The following ARMH3 variants were observed in gnomAD, a reference collection of about 807,000 sequenced individuals.
The protein encoded by ARMH3 is armadillo like helical domain containing 3.
In ARMH3, 60 loss-of-function variants were observed where a neutral mutation model predicts 99.1. The observed-to-expected ratio is 0.61, with a 90% CI of 0.49 to 0.75. The LOEUF (loss-of-function observed/expected upper bound fraction) is 0.75, where lower values mean the gene tolerates loss of function less well. Ranked by LOEUF, ARMH3 falls within the 30% of genes least tolerant of loss-of-function variation. The probability of loss-of-function intolerance (pLI) is 0.00; values close to 1 mark genes in which losing one functional copy is unlikely to be tolerated. For synonymous variants in ARMH3, 285 were observed against 292.8 expected (o/e 0.97, Z 0.27); for missense variants, 679 against 843.1 (o/e 0.81, Z 2.41).
intron 22 of ARMH3, among the ~76,000 whole-genome samples, chr10:101,943,786 C>G (rs1328949409): frequency 6.6e-6 from 1 of 151,950 alleles, no homozygotes; most frequent in East Asian, 1.9e-4. Context: ...AATTAGAGGC[C>G]AGGCACGGTG....
At position 102,001,971 on chromosome 10, in the gene ARMH3, C is replaced by T; in HGVS notation, c.1150G>A (p.Asp384Asn). 6.2e-7 allele frequency: 1 copy of T among 1,613,934 alleles called. No individual in the cohort carries two copies. Among genetic ancestry groups the T allele is most frequent in the Non-Finnish European group, 8.5e-7 (1 of 1,179,832 alleles). The change falls in exon 15 of 26, where the codon GAT (aspartate) becomes AAT (asparagine). Residue 384 changes from aspartate to asparagine, a missense_variant and splice_region_variant. By Grantham distance (23) the Asp-to-Asn change is conservative. Coordinates refer to ENST00000370033, the MANE Select transcript of ARMH3 (RefSeq NM_024541.3). ...AGCCCCCAAAATAGCTATGGCTTAC[C>T]TTTGGTGTCCTGCATGACAATTGAG... Reference protein sequence around the residue: ...YSSIVMQDTKDEHRLHSGKLC... With the variant: ...YSSIVMQDTKNEHRLHSGKLC...
intron 24 of ARMH3, among the ~76,000 whole-genome samples, chr10:101,873,391 G>A (rs1047252354): frequency 6.6e-6 from 1 of 151,978 alleles, no homozygotes; most frequent in South Asian, 2.1e-4. Context: ...CAGCCTGGGG[G>A]ACAGGGCAAG....
intron 23 of ARMH3, among the ~76,000 whole-genome samples, chr10:101,891,424 A>T (rs1312161898): frequency 6.6e-6 from 1 of 152,238 alleles, no homozygotes; most frequent in African/African-American, 2.4e-5. Flanking sequence ...CAAACTCCTG[A>T]CCTTTCAGGT....
At chr10:101,956,427 C>CAA (rs1200729492) in intron 22 of ARMH3, among the ~76,000 whole-genome samples, 170 bp downstream of exon 22, 1 of 152,150 alleles carries the variant, frequency 6.6e-6, no homozygotes, top group Non-Finnish European at 1.5e-5. Flanking sequence ...TTCCTAAAGG[C>CAA]AAAAAGGCCC....
intron 19 of ARMH3, among the ~76,000 whole-genome samples, chr10:101,989,873 T>C (rs796741306): frequency 1.4e-4 from 22 of 152,300 alleles, no homozygotes; most frequent in African/African-American, 5.1e-4. Flanking sequence ...TAAGAATGGA[T>C]CAGAAGCGCT....
At chr10:101,991,023 G>A (rs1195140727) in intron 18 of ARMH3, among the ~76,000 whole-genome samples, 1 of 152,206 alleles carries the variant, frequency 6.6e-6, no homozygotes, top group Non-Finnish European at 1.5e-5. Context: ...CTAAAGCTAT[G>A]TCAGTCAATC....
At chr10:101,888,222 G>A (rs2067600474) in intron 24 of ARMH3, among the ~76,000 whole-genome samples, 2 of 151,998 alleles carry the variant, frequency 1.3e-5, no homozygotes, top group South Asian at 4.2e-4. Flanking sequence ...CAAGAAAATG[G>A]TAGCATCACA....
intron 23 of ARMH3, among the ~76,000 whole-genome samples, chr10:101,935,621 T>C (rs1381087929): frequency 6.6e-6 from 1 of 152,190 alleles, no homozygotes; most frequent in Non-Finnish European, 1.5e-5. Flanking sequence ...GGAGCTATTG[T>C]CAACTGGCAA....
At chr10:101,999,098 A>G (rs1407965101) in intron 15 of ARMH3, among the ~76,000 whole-genome samples, 3 of 152,216 alleles carry the variant, frequency 2.0e-5, no homozygotes, top group Non-Finnish European at 4.4e-5. Flanking sequence ...GAGAGTTTAA[A>G]TTACAAAGAA....
chr10:101,957,884 T>C (rs1226197597), intron 20 of ARMH3, 152 bp from the exon 21 acceptor site: 1 of 1,151,410 alleles, frequency 8.7e-7, no homozygotes, highest in Non-Finnish European at 1.2e-6. Context: ...AAGGTAGGTA[T>C]ATTTGAGGAA....
rs10639768 is a variant in ARMH3 at position 102,007,159 on chromosome 10, CAAAAAAAAA to C, written c.955-535_955-527del. Among the ~76,000 whole-genome samples, 181 of 60,050 alleles carry C rather than the reference CAAAAAAAAA, an allele frequency of 3.0e-3. 1 individual carries two copies. The highest frequency in any genetic ancestry group is 4.7e-3 in the South Asian group (6 of 1,270). 39.4% of individuals were successfully genotyped at this position (60,050 alleles called of 152,430 possible). On this transcript the variant is annotated intron_variant, in intron 13 of 25. Transcript: ENST00000370033. Reference sequence around the variant, plus strand: ...CTGGTGACACAGCAAGACTCTATCTCAAAAAAAAAAAAAAAAAAAGAAAAAAAAAGCTGA... The same window carrying C: ...CTGGTGACACAGCAAGACTCTATCTCAAAAAAAAAAGAAAAAAAAAGCTGA...
chr10:101,978,015 G>A (rs1288687646), intron 19 of ARMH3, among the ~76,000 whole-genome samples: 1 of 152,124 alleles, frequency 6.6e-6, no homozygotes, highest in African/African-American at 2.4e-5. Context: ...ATAGGCCAAG[G>A]AAACAGTCAA....
intron 14 of ARMH3, among the ~76,000 whole-genome samples, chr10:102,003,305 G>A (rs1164513761): frequency 6.6e-6 from 1 of 152,014 alleles, no homozygotes; most frequent in African/African-American, 2.4e-5. Context: ...TTGGATTACA[G>A]GCACCCACCA....
chr10:101,923,046 G>GA (rs1335478582), intron 23 of ARMH3, among the ~76,000 whole-genome samples: 9 of 151,240 alleles, frequency 6.0e-5, no homozygotes, highest in South Asian at 2.1e-4. Flanking sequence ...AAACCAATTA[G>GA]AAAAAAAAAC....
At chr10:101,976,168 CAAAAAA>C (rs780547260) in intron 19 of ARMH3, among the ~76,000 whole-genome samples, 2 of 23,188 alleles carry the variant, frequency 8.6e-5, no homozygotes, top group Non-Finnish European at 1.5e-4. Context: ...GACTCTGTCT[CAAAAAA>C]AAAAAAAAAA....
At chr10:101,944,646 T>C (rs1464614898) in intron 22 of ARMH3, among the ~76,000 whole-genome samples, 3 of 151,942 alleles carry the variant, frequency 2.0e-5, no homozygotes, top group Non-Finnish European at 2.9e-5. Context: ...AAACCCTGTC[T>C]CTACTAAAAA....
intron 21 of ARMH3, 95 bp downstream of exon 21, chr10:101,957,555 G>C: frequency 7.3e-7 from 1 of 1,361,906 alleles, no homozygotes. Flanking sequence ...TCCCTCTATG[G>C]CTTAGTCCCC....
rs1478701068 is a variant in ARMH3, at chr10:102,055,318, T to TAAATA, written c.-12+762_-12+766dup. Among the ~76,000 whole-genome samples the TAAATA allele has an allele frequency of 1.2e-3, 182 of 151,486 alleles. 2 individuals carry two copies. Among genetic ancestry groups the TAAATA allele is most frequent in the African/African-American group, 4.4e-3 (180 of 41,364 alleles). On this transcript the variant is annotated intron_variant, in intron 1 of 25. Transcript: ENST00000370033. ...ATCTCAAAATAAATAAATAAATAAA[T>TAAATA]AAATAAATAAAATAAAATAAAAAAC...
intron 19 of ARMH3, among the ~76,000 whole-genome samples, chr10:101,988,066 C>A (rs976974724): frequency 3.3e-5 from 5 of 152,144 alleles, no homozygotes; most frequent in Admixed American, 2.0e-4. Flanking sequence ...CTCCTGGATT[C>A]CTGAACCACA....
Sources: allele counts gnomAD v4.1 joint callset (sites outside exome capture counted in the v4.1 genomes callset), GRCh38; gene constraint gnomAD v4.1.1; transcripts MANE v1.5; gene names NCBI Gene and HGNC (gene_info 2026-07-23, HGNC 2026-07-21).